Variants in EPHA1 observed in about 807,000 individuals in gnomAD.
EPHA1 encodes the protein ephrin type-A receptor 1.
EPHA1 carries 92 observed loss-of-function variants against 110.1 expected under a neutral mutation model. The observed-to-expected ratio is 0.84, with a 90% CI of 0.71 to 0.99. The LOEUF is 0.99. Among genes scored for constraint, EPHA1 ranks in the 50% least tolerant of loss-of-function variants. The probability of loss-of-function intolerance (pLI) is 0.00; values close to 1 mark genes in which losing one functional copy is unlikely to be tolerated. For synonymous variants in EPHA1, 500 were observed against 516.1 expected, an observed-to-expected ratio of 0.97 and a Z score of 0.42; for missense variants, 1,204 against 1,285.4, an observed-to-expected ratio of 0.94 and a Z score of 0.97.
Position 143,393,646 on chromosome 7 carries a change from C to A in EPHA1, c.2696+25G>T. On this transcript the variant is annotated intron_variant, in intron 16 of 17. Coordinates refer to ENST00000275815, the MANE Select transcript of EPHA1 (RefSeq NM_005232.5). This position sits in a 1 kb window ranked among gnomAD's most constrained non-coding sequence, Gnocchi z 5.6. ...CTCTCCTAGCGCTGCCTCTGGGTTCCCTAGTCCTTCCCCTGCATGGTTACC... is the reference window on the plus strand; with the variant it reads ...CTCTCCTAGCGCTGCCTCTGGGTTCACTAGTCCTTCCCCTGCATGGTTACC... The A allele has an allele frequency of 6.2e-7, 1 of 1,610,374 alleles. No homozygotes were observed. The highest frequency in any genetic ancestry group is 8.5e-7 in the Non-Finnish European group (1 of 1,178,638).
chr7:143,397,189 G>A (rs933417935), intron 10 of EPHA1, 115 bp downstream of exon 10: 63 of 1,256,872 alleles, frequency 5.0e-5, no homozygotes, highest in Admixed American at 1.4e-4. Context: ...CCCCAGAGTT[G>A]GCCTAGCAAA....
At position 143,394,823 on chromosome 7, in the gene EPHA1, G is replaced by C; in HGVS notation, c.2337C>G (p.Gly779=). ...GGCCTCTAACCTGGGTTTCGTATGT[G>C]CCATCAAAGTCATCCAGGAGGCGAG... ...GLTRLLDDFD[G]TYETQGGKIP... is the part of the protein sequence containing the mutation. Residue 779 remains glycine (G), a synonymous_variant, in exon 14 of 18, where the codon GGC becomes GGG. Transcript: ENST00000275815. 1 of 1,614,114 alleles carries C rather than the reference G, an allele frequency of 6.2e-7. No homozygotes were observed. Among genetic ancestry groups the C allele is most frequent in the Admixed American group, 1.7e-5 (1 of 60,012 alleles).
At chr7:143,407,508 C>T (rs1805586939) in intron 2 of EPHA1, 103 bp downstream of exon 2, 3 of 1,191,144 alleles carry the variant, frequency 2.5e-6, no homozygotes, top group Non-Finnish European at 3.7e-6. Context: ...GAGACACTTC[C>T]AGTTTTTCCT....
chr7:143,401,286 C>T lies in EPHA1; in HGVS notation c.432+38G>A. The T allele has an allele frequency of 1.2e-6, 2 of 1,602,452 alleles. No homozygotes were observed. Among genetic ancestry groups the T allele is most frequent in the Non-Finnish European group, 1.7e-6 (2 of 1,174,226 alleles). ...CACCCAATAAGGAGCCACCAGGGAT[C>T]TGCACCAGGACCCAGATGGCATGGA... On this transcript the variant is annotated intron_variant, in intron 3 of 17. Transcript: ENST00000275815. This position sits in a 1 kb window ranked among gnomAD's most constrained non-coding sequence, Gnocchi z 4.1.
At chr7:143,402,410 A>G (rs1425444613) in intron 2 of EPHA1, among the ~76,000 whole-genome samples, 1 of 152,078 alleles carries the variant, frequency 6.6e-6, no homozygotes, top group African/African-American at 2.4e-5. Context: ...GTTTGAGGCA[A>G]AGGTCTCACT....
rs1056011550 is a variant in EPHA1, at chr7:143,393,956, G to A, written c.2503-92C>T. ...GGTCACACAAGATAATTGCAGTGGA[G>A]ATCCTAGGATGGGAGGAGGTGGGAG... On this transcript the variant is annotated intron_variant, in intron 15 of 17. Transcript: ENST00000275815. This position sits in a 1 kb window ranked among gnomAD's most constrained non-coding sequence, Gnocchi z 5.6. 2 of 1,420,748 alleles carry A rather than the reference G, an allele frequency of 1.4e-6. No individual in the cohort carries two copies. The highest frequency in any genetic ancestry group is 1.4e-5 in the South Asian group (1 of 70,926). 88.0% of individuals were successfully genotyped at this position (1,420,748 alleles called of 1,614,324 possible). A position where few individuals can be genotyped will look rare whatever the true frequency, so the allele number is the denominator to read the frequency against.
In EPHA1 at chr7:143,399,796, G is replaced by A. The variant is rs764264042; in HGVS notation, c.690C>T (p.Thr230=). 60 of 1,574,570 alleles carry A rather than the reference G, an allele frequency of 3.8e-5. No individual in the cohort carries two copies. In the Middle Eastern group the frequency reaches 1.5e-3, roughly 39 times the overall value. The change falls in exon 4 of 18, where the codon ACC becomes ACT. Residue 230 remains threonine (T), a synonymous_variant. Transcript: ENST00000275815. ...GGCTGGCCCGCGCGTGGGGCAAGCA[G>A]GTCCCCGCCACTTCCACCAACCCAG... ...GPAGLVEVAG[T]CLPHARASPR... is the part of the protein sequence containing the mutation.
In EPHA1 at chr7:143,396,413, C is replaced by G; in HGVS notation, c.1869G>C (p.Trp623Cys). 2 of 1,613,256 alleles carry G rather than the reference C, an allele frequency of 1.2e-6. No homozygotes were observed. The highest frequency in any genetic ancestry group is 1.7e-6 in the Non-Finnish European group (2 of 1,179,806). Residue 623 changes from tryptophan to cysteine, a missense_variant, in exon 11 of 18, where the codon TGG (tryptophan) becomes TGC (cysteine). Transcript: ENST00000275815. ...CTCCTATGACAGTGTCCACCATCAG[C>G]CACGCTGGATCAAGCTCCCGGGTAA... The part of the protein sequence containing the change: ...LDFTRELDPA[W>C]LMVDTVIGEG...
chr7:143,399,524 G>A (rs1699124621), intron 4 of EPHA1, 111 bp from the exon 5 acceptor site: 4 of 1,550,454 alleles, frequency 2.6e-6, no homozygotes, highest in Admixed American at 3.7e-5. Context: ...CTGCATGTGT[G>A]TGTCCGCTGC....
intron 16 of EPHA1, 89 bp from the exon 17 acceptor site, chr7:143,391,864 T>C: frequency 6.4e-7 from 1 of 1,552,348 alleles, no homozygotes; most frequent in East Asian, 2.3e-5. Context: ...AGCACTGAAG[T>C]TCGGTGTCTG....
intron 3 of EPHA1, 136 bp from the exon 4 acceptor site, chr7:143,400,189 G>T: frequency 9.4e-7 from 1 of 1,059,980 alleles, no homozygotes; most frequent in Non-Finnish European, 1.3e-6. Context: ...GCCAGGCTAA[G>T]CATTTTATGT....
In EPHA1 at chr7:143,401,229, C is replaced by T. The variant is rs902588317; in HGVS notation, c.432+95G>A. 4 of 1,475,706 alleles carry T rather than the reference C, an allele frequency of 2.7e-6. No individual in the cohort carries two copies. Among genetic ancestry groups the T allele is most frequent in the Non-Finnish European group, 2.7e-6 (3 of 1,093,380 alleles). The allele number at this position is 1,475,706 out of a possible 1,614,324, so 91.4% of individuals were successfully genotyped here. On this transcript the variant is annotated intron_variant, in intron 3 of 17. Transcript: ENST00000275815. The surrounding 1 kb of genome is among the most constrained non-coding windows in gnomAD (Gnocchi z 4.1). ...AATTCTTTTCAAGATTCTACCTCTG[C>T]ACCCTCTTCCTGTCTCTGCAACCTT...
At chr7:143,404,218 CTTT>C (rs11296361) in intron 2 of EPHA1, among the ~76,000 whole-genome samples, 5 of 146,080 alleles carry the variant, frequency 3.4e-5, no homozygotes. Flanking sequence ...AGAGATATAT[CTTT>C]TTTTTTTTTT....
At chr7:143,399,199 G>GA in intron 5 of EPHA1, 59 bp downstream of exon 5, 4 of 1,570,084 alleles carry the variant, frequency 2.5e-6, no homozygotes, top group Non-Finnish European at 3.5e-6. Flanking sequence ...CCCTGACAAA[G>GA]TCTCAGCAAA....
intron 14 of EPHA1, 43 bp downstream of exon 14, chr7:143,394,765 C>T (rs369466596): frequency 8.4e-5 from 135 of 1,606,546 alleles, no homozygotes; most frequent in South Asian, 7.9e-4. Context: ...TGGCATGTTA[C>T]GGGGCAATGT....
rs145199869 is a variant in EPHA1, at chr7:143,405,492, A to G, written c.150+2119T>C. On this transcript the variant is annotated intron_variant, in intron 2 of 17. Coordinates refer to ENST00000275815, the MANE Select transcript of EPHA1 (RefSeq NM_005232.5). ...AAAAGATGGGGAGAAGGAGGGGGAC[A>G]AGGTAGATAGTGGGAGTGTATGACT... is the stretch of plus-strand genomic sequence containing the variant. Among the ~76,000 whole-genome samples the G allele has an allele frequency of 2.6e-3, 400 of 151,796 alleles. 1 individual carries two copies. Among genetic ancestry groups the G allele is most frequent in the African/African-American group, 9.4e-3 (387 of 41,356 alleles).
chr7:143,393,765 C>T lies in EPHA1; in HGVS notation c.2602G>A (p.Ala868Thr). Residue 868 changes from alanine (A) to threonine (T), a missense_variant, in exon 16 of 18, where the codon GCC becomes ACC. Transcript: ENST00000275815. The surrounding 1 kb of genome is among the most constrained non-coding windows in gnomAD (Gnocchi z 5.6). ...LMKNCWAYDR[A>T]RRPHFQKLQA... Reference sequence around the variant, plus strand: ...AGCTTCTGGAAGTGTGGCCGGCGGGCACGGTCATATGCCCAGCAGTTCTTC... The same window carrying T: ...AGCTTCTGGAAGTGTGGCCGGCGGGTACGGTCATATGCCCAGCAGTTCTTC... 1 of 1,613,234 alleles carries T rather than the reference C, an allele frequency of 6.2e-7. No individual in the cohort carries two copies. Among genetic ancestry groups the T allele is most frequent in the Non-Finnish European group, 8.5e-7 (1 of 1,179,670 alleles).
rs572970358 is a variant in EPHA1 at position 143,408,007 on chromosome 7, C to T, written c.83-329G>A. On this transcript the variant is annotated intron_variant, in intron 1 of 17. Coordinates refer to ENST00000275815, the MANE Select transcript of EPHA1 (RefSeq NM_005232.5). ...TGCGTCCTGGGACACCCATCAGCTGCAGGATTGGAACGCGTGGAGGGCAGG... is the reference window on the plus strand; with the variant it reads ...TGCGTCCTGGGACACCCATCAGCTGTAGGATTGGAACGCGTGGAGGGCAGG... The T allele has an allele frequency of 3.1e-5, 6 of 194,642 alleles. No individual in the cohort carries two copies. The South Asian group carries it at 7.9e-4, about 26-fold the overall frequency. The allele number at this position is 194,642 out of a possible 1,614,324, so 12.1% of individuals were successfully genotyped here.
rs187094998 is a variant in EPHA1, at chr7:143,392,936, C to T, written c.2696+735G>A. 1.1e-4 allele frequency among the ~76,000 whole-genome samples: 17 copies of T among 151,938 alleles called. No homozygotes were observed. In the East Asian group the frequency reaches 2.5e-3, roughly 23 times the overall value. ...CAGCCTGGGCGACAGAGCAAGACTC[C>T]GTCTCGGGGTGGAAAAAAAAACAAC... On this transcript the variant is annotated intron_variant, in intron 16 of 17. Coordinates refer to ENST00000275815, the MANE Select transcript of EPHA1 (RefSeq NM_005232.5).
Sources: gnomAD v4.1 joint callset for allele counts (sites outside exome capture counted in the v4.1 genomes callset) on GRCh38, gnomAD v4.1.1 for gene constraint, Gnocchi (gnomAD v3.1) non-coding constraint, MANE v1.5 for transcripts, NCBI Gene and HGNC (gene_info 2026-07-23, HGNC 2026-07-21) for gene names.